The following HECW2 variants were observed in gnomAD, a reference collection of about 807,000 sequenced individuals.
HECW2 encodes HECT, C2 and WW domain containing E3 ubiquitin protein ligase 2, also known as E3 ubiquitin-protein ligase HECW2.
A neutral mutation model predicts 175.2 loss-of-function variants in HECW2; 61 were observed. That is an observed-to-expected ratio of 0.35 (90% confidence interval 0.28 to 0.43). The LOEUF is 0.43. Among genes scored for constraint, HECW2 ranks in the 20% least tolerant of loss-of-function variants. HECW2 has a pLI of 1.00. For missense variants in HECW2, 1,524 were observed against 2,000.5 expected, an observed-to-expected ratio of 0.76 and a Z score of 4.54; for synonymous variants, 671 against 731.0, an observed-to-expected ratio of 0.92 and a Z score of 1.32.
At chr2:196,402,471 A>G (rs941243356) in intron 2 of HECW2, among the ~76,000 whole-genome samples, 2 of 152,214 alleles carry the variant, frequency 1.3e-5, no homozygotes, top group East Asian at 3.8e-4. Context: ...GCACCTCCAC[A>G]TCATGGGTTA....
rs150985774 is a variant in HECW2, at chr2:196,399,470, G to T, written c.292+33662C>A. Among the ~76,000 whole-genome samples the T allele has an allele frequency of 1.3e-3, 195 of 152,310 alleles. 1 individual carries two copies. Among genetic ancestry groups the T allele is most frequent in the African/African-American group, 4.5e-3 (186 of 41,562 alleles). On this transcript the variant is annotated intron_variant, in intron 2 of 28. Transcript: ENST00000644978. ...ACACTCTGGGAAGCACTATTTTAAG[G>T]ATTCCCCAAAACTGAGAAGGAAGTG...
intron 1 of HECW2, among the ~76,000 whole-genome samples, chr2:196,582,212 A>C (rs931890738): frequency 6.6e-6 from 1 of 152,218 alleles, no homozygotes; most frequent in African/African-American, 2.4e-5. Flanking sequence ...ATTTTACCAC[A>C]ACAAACTTCA....
chr2:196,470,940 C>A (rs200806799), intron 1 of HECW2, among the ~76,000 whole-genome samples: 19 of 146,556 alleles, frequency 1.3e-4, no homozygotes, highest in Admixed American at 1.1e-3. Flanking sequence ...AAAATAAAAT[C>A]AAAAAAGCCA....
At chr2:196,533,400 A>C (rs985417099) in intron 1 of HECW2, among the ~76,000 whole-genome samples, 1 of 152,162 alleles carries the variant, frequency 6.6e-6, no homozygotes, top group African/African-American at 2.4e-5. Context: ...AACCTCAACC[A>C]CCACAAATGA....
At chr2:196,293,568 G>T (rs1329183369) in intron 13 of HECW2, among the ~76,000 whole-genome samples, 1 of 152,134 alleles carries the variant, frequency 6.6e-6, no homozygotes, top group South Asian at 2.1e-4. Context: ...GATCTTTGAG[G>T]AATCTCCACA....
intron 1 of HECW2, among the ~76,000 whole-genome samples, chr2:196,517,255 T>C (rs544191970): frequency 6.6e-6 from 1 of 152,346 alleles, no homozygotes; most frequent in African/African-American, 2.4e-5. Context: ...AAATATTCAA[T>C]ACTAAAGATG....
At chr2:196,499,580 A>G (rs1342215972) in intron 1 of HECW2, among the ~76,000 whole-genome samples, 1 of 152,194 alleles carries the variant, frequency 6.6e-6, no homozygotes, top group Non-Finnish European at 1.5e-5. Context: ...CTTAGCATCT[A>G]CAGATAGCTC....
intron 1 of HECW2, among the ~76,000 whole-genome samples, chr2:196,515,170 C>A (rs962190321): frequency 3.3e-5 from 5 of 152,232 alleles, no homozygotes; most frequent in African/African-American, 4.8e-5. Flanking sequence ...AGAGCCGGCA[C>A]CTGTGCTGGC....
Position 196,319,478 on chromosome 2 carries a change from T to C in HECW2, c.1412A>G (p.Glu471Gly). 6.2e-7 allele frequency: 1 copy of C among 1,614,142 alleles called. No homozygotes were observed. The highest frequency in any genetic ancestry group is 2.2e-5 in the East Asian group (1 of 44,876). The stretch of plus-strand genomic sequence containing the variant: ...TGGGTAACCCAGGTCTTGCTGGAAC[T>C]CGTGATCTTCTTCATCTGAATCAAT... ...LHIDSDEEDH[E>G]FQQDLGYPSS... Residue 471 changes from glutamate (E) to glycine (G), a missense_variant, in exon 9 of 29, where the codon GAG becomes GGG. This residue lies in a region of HECW2 where 604 missense variants were observed against 588.3 expected (regional missense o/e 1.03). Coordinates refer to ENST00000644978, the MANE Select transcript of HECW2 (RefSeq NM_001348768.2).
rs918310067 is a variant in HECW2, at chr2:196,334,613, C to A, written c.401-95G>T. ...TCCACCATACCACCTCTCAGGGAAT[C>A]CTACTCATGACTCTGAATGACCTCT... On this transcript the variant is annotated intron_variant, in intron 3 of 28. Coordinates refer to ENST00000644978, the MANE Select transcript of HECW2 (RefSeq NM_001348768.2). The A allele has an allele frequency of 7.4e-6, 7 of 946,874 alleles. No individual in the cohort carries two copies. In the East Asian group the frequency reaches 1.6e-4, roughly 21 times the overall value. 58.7% of individuals were successfully genotyped at this position (946,874 alleles called of 1,614,324 possible).
chr2:196,371,245 G>GT lies in HECW2; in HGVS notation c.293-27482dup, dbSNP rs202029983. ...TCCATATATTAATGTACACGTATAG[G>GT]TACATGTCATTTTTGATTTTGCATA... On this transcript the variant is annotated intron_variant, in intron 2 of 28. Transcript: ENST00000644978. Among the ~76,000 whole-genome samples, 1,076 of 152,168 alleles carry GT rather than the reference G, an allele frequency of 7.1e-3. 15 individuals are homozygous for GT. The highest frequency in any genetic ancestry group is 0.025 in the African/African-American group (1,034 of 41,510).
chr2:196,402,057 C>T (rs1346148768), intron 2 of HECW2, among the ~76,000 whole-genome samples: 2 of 151,810 alleles, frequency 1.3e-5, no homozygotes, highest in East Asian at 1.9e-4. Flanking sequence ...AAAAATTAGC[C>T]GGACGTGGTG....
At chr2:196,323,899 G>GT (rs1183919803) in intron 6 of HECW2, among the ~76,000 whole-genome samples, 33 of 118,174 alleles carry the variant, frequency 2.8e-4, no homozygotes, top group South Asian at 8.2e-4. Flanking sequence ...GCCCTTAAGA[G>GT]TTTTTTTTGT....
Position 196,253,945 on chromosome 2 carries a change from G to C in HECW2, c.3504C>G (p.Pro1168=). ...PSYCQSPRGS[P]VSSPQNSPGT... is the part of the protein sequence containing the mutation. ...CTGGCGAGTTCTGAGGAGATGACACGGGAGAGCCACGTGGGGACTGACAGT... is the reference window on the plus strand; with the variant it reads ...CTGGCGAGTTCTGAGGAGATGACACCGGAGAGCCACGTGGGGACTGACAGT... The change falls in exon 19 of 29, where the codon CCC becomes CCG. Residue 1168 remains proline, a synonymous_variant. Coordinates refer to ENST00000644978, the MANE Select transcript of HECW2 (RefSeq NM_001348768.2). The C allele has an allele frequency of 6.2e-7, 1 of 1,614,026 alleles. No individual in the cohort carries two copies. The highest frequency in any genetic ancestry group is 8.5e-7 in the Non-Finnish European group (1 of 1,179,914).
intron 2 of HECW2, among the ~76,000 whole-genome samples, chr2:196,408,960 A>G (rs567966099): frequency 9.5e-4 from 145 of 152,370 alleles, no homozygotes; most frequent in Non-Finnish European, 1.9e-3. Flanking sequence ...GAACAAGCAT[A>G]CAGGAGAATA....
At chr2:196,506,967 T>C (rs1037826523) in intron 1 of HECW2, among the ~76,000 whole-genome samples, 1 of 152,174 alleles carries the variant, frequency 6.6e-6, no homozygotes, top group Non-Finnish European at 1.5e-5. Context: ...ACAATGCATA[T>C]ATAAAATTAC....
At chr2:196,514,505 C>G (rs910293670) in intron 1 of HECW2, among the ~76,000 whole-genome samples, 1 of 152,216 alleles carries the variant, frequency 6.6e-6, no homozygotes, top group Admixed American at 6.5e-5. Context: ...AAGCCAAGGA[C>G]AGTCTGAAGC....
At chr2:196,547,159 A>T (rs886747796) in intron 1 of HECW2, among the ~76,000 whole-genome samples, 3 of 152,226 alleles carry the variant, frequency 2.0e-5, no homozygotes, top group Admixed American at 6.5e-5. Flanking sequence ...AGAAATGTAG[A>T]AATGGGTTTT....
intron 2 of HECW2, among the ~76,000 whole-genome samples, chr2:196,394,187 A>C (rs1183146053): frequency 6.6e-6 from 1 of 152,086 alleles, no homozygotes; most frequent in Non-Finnish European, 1.5e-5. Context: ...GCATTAGGAG[A>C]TATACCTAAT....
Sources: allele counts gnomAD v4.1 joint callset (sites outside exome capture counted in the v4.1 genomes callset), GRCh38; gene constraint gnomAD v4.1.1; regional missense constraint gnomAD v4.1.1; transcripts MANE v1.5; gene names NCBI Gene and HGNC (gene_info 2026-07-23, HGNC 2026-07-21).